ALDH7A1: variants seen among roughly 807,000 people sequenced by gnomAD.
ALDH7A1 encodes alpha-aminoadipic semialdehyde dehydrogenase.
A neutral mutation model predicts 79.9 loss-of-function variants in ALDH7A1; 63 were observed. The observed-to-expected ratio is 0.79, with a 90% CI of 0.64 to 0.97. The LOEUF is 0.97. Among genes scored for constraint, ALDH7A1 ranks in the 50% least tolerant of loss-of-function variants. The probability of loss-of-function intolerance (pLI) is 0.00; values close to 1 mark genes in which losing one functional copy is unlikely to be tolerated. For synonymous variants in ALDH7A1, 240 were observed against 231.2 expected (o/e 1.04, Z -0.34); for missense variants, 627 against 665.2 (o/e 0.94, Z 0.63).
chr5:126,592,610 T>G, intron 3 of ALDH7A1, 54 bp downstream of exon 3: 2 of 1,564,748 alleles, frequency 1.3e-6, no homozygotes, highest in Non-Finnish European at 1.8e-6. Context: ...ATCTCATTGG[T>G]TACAATAGGC....
intron 9 of ALDH7A1, chr5:126,564,595 G>T: frequency 8.0e-7 from 1 of 1,245,836 alleles, no homozygotes; most frequent in South Asian, 4.1e-5. Context: ...CCATTGCTCT[G>T]AAACAGGTAA....
intron 9 of ALDH7A1, chr5:126,561,405 C>T (rs968083891): frequency 5.9e-5 from 14 of 236,820 alleles, no homozygotes; most frequent in Non-Finnish European, 1.1e-4. Flanking sequence ...TCTTAGGAAA[C>T]ACACCAAAAT....
At chr5:126,558,753 T>G (rs1375735173) in intron 11 of ALDH7A1, among the ~76,000 whole-genome samples, 3 of 152,182 alleles carry the variant, frequency 2.0e-5, no homozygotes, top group Admixed American at 1.3e-4. Context: ...CTCGAACTAC[T>G]GGGCTCAAGG....
At chr5:126,575,888 G>A (rs1276521314) in intron 6 of ALDH7A1, among the ~76,000 whole-genome samples, 1 of 152,158 alleles carries the variant, frequency 6.6e-6, no homozygotes, top group Non-Finnish European at 1.5e-5. Flanking sequence ...TCACAACATG[G>A]GGCAGAACCC....
At chr5:126,571,561 G>C (rs1451254814) in intron 7 of ALDH7A1, among the ~76,000 whole-genome samples, 2 of 151,808 alleles carry the variant, frequency 1.3e-5, no homozygotes. Flanking sequence ...AGCTCAAACT[G>C]TCATTGTTTT....
rs554764322 is a variant in ALDH7A1 at position 126,560,237 on chromosome 5, C to T, written c.913+846G>A. Among the ~76,000 whole-genome samples, 11 of 152,238 alleles carry T rather than the reference C, an allele frequency of 7.2e-5. No homozygotes were observed. In the East Asian group the frequency reaches 1.9e-3, roughly 27 times the overall value. ...CTGTAATCCCAGCACTTTGGGAGGC[C>T]AAGGCAGGCGGATCACCTGAAGTCA... On this transcript the variant is annotated intron_variant, in intron 10 of 17. Coordinates refer to ENST00000409134, the MANE Select transcript of ALDH7A1 (RefSeq NM_001182.5).
intron 4 of ALDH7A1, 58 bp downstream of exon 4, chr5:126,583,874 G>T (rs1185078456): frequency 1.5e-6 from 2 of 1,352,390 alleles, no homozygotes. Context: ...ATATAGAAAA[G>T]CATGACAGCC....
At chr5:126,573,116 C>CAAAAAAAA (rs11290126) in intron 7 of ALDH7A1, among the ~76,000 whole-genome samples, 1 of 95,210 alleles carries the variant, frequency 1.1e-5, no homozygotes, top group Non-Finnish European at 2.1e-5. Context: ...CCATTTAAAG[C>CAAAAAAAA]AAAAAAAAAA....
intron 12 of ALDH7A1, 111 bp downstream of exon 12, chr5:126,555,820 G>T: frequency 3.6e-6 from 3 of 844,488 alleles, no homozygotes; most frequent in Admixed American, 1.9e-5. Flanking sequence ...TGCTTCATGT[G>T]CCTTCACGCC....
chr5:126,556,380 T>A (rs113846202), intron 11 of ALDH7A1, among the ~76,000 whole-genome samples: 2 of 151,660 alleles, frequency 1.3e-5, no homozygotes, highest in African/African-American at 4.8e-5. Flanking sequence ...GCAGCTGGAA[T>A]TACAGGCACC....
intron 9 of ALDH7A1, among the ~76,000 whole-genome samples, chr5:126,565,123 G>A (rs138877587): frequency 3.0e-4 from 46 of 152,156 alleles, no homozygotes; most frequent in African/African-American, 1.0e-3. Context: ...GGCCTGGTGC[G>A]GTGGCTTATG....
chr5:126,559,452 T>G (rs1373993188), intron 10 of ALDH7A1, 118 bp from the exon 11 acceptor site: 1 of 744,788 alleles, frequency 1.3e-6, no homozygotes, highest in African/African-American at 1.8e-5. Context: ...TTTTTTTTTT[T>G]GAGACAGAGT....
chr5:126,567,459 A>AGT (rs1299830020), intron 9 of ALDH7A1, among the ~76,000 whole-genome samples: 49 of 152,216 alleles, frequency 3.2e-4, no homozygotes, highest in Admixed American at 1.3e-4. Flanking sequence ...TTTAGAGAGA[A>AGT]AATGACTTCC....
intron 7 of ALDH7A1, 131 bp from the exon 8 acceptor site, chr5:126,570,990 C>A: frequency 1.2e-6 from 1 of 836,184 alleles, no homozygotes; most frequent in Non-Finnish European, 2.0e-6. Flanking sequence ...TACTCTCTTG[C>A]TTTTTCAGCC....
rs150990856 is a variant in ALDH7A1 at position 126,575,162 on chromosome 5, T to C, written c.695+258A>G. Among the ~76,000 whole-genome samples, 240 of 152,364 alleles carry C rather than the reference T, an allele frequency of 1.6e-3. 2 individuals carry two copies. In the East Asian group the frequency reaches 0.029, roughly 19 times the overall value. The stretch of plus-strand genomic sequence containing the variant: ...ATTTTCCTTTCCACTGAAGATGCTT[T>C]TATTTTCCAAGTGACAAAATAATGT... On this transcript the variant is annotated intron_variant, in intron 7 of 17. Coordinates refer to ENST00000409134, the MANE Select transcript of ALDH7A1 (RefSeq NM_001182.5).
intron 16 of ALDH7A1, chr5:126,549,612 G>T: frequency 3.4e-6 from 1 of 292,670 alleles, no homozygotes; most frequent in Non-Finnish European, 6.4e-6. Flanking sequence ...AAATTTTCTG[G>T]CTTTGAAGCA....
At position 126,543,170 on chromosome 5, in the gene ALDH7A1, A is replaced by G. The variant is rs1412253464; in HGVS notation, c.*1795T>C. 26 of 152,240 alleles carry G rather than the reference A, an allele frequency of 1.7e-4. No homozygotes were observed. Among genetic ancestry groups the G allele is most frequent in the Non-Finnish European group, 1.2e-4 (8 of 68,048 alleles). The allele number at this position is 152,240 out of a possible 1,614,324, so 9.4% of individuals were successfully genotyped here. A position where few individuals can be genotyped will look rare whatever the true frequency, so the allele number is the denominator to read the frequency against. ...ATGTACATTTTAACTTGGATAGTTA[A>G]AAATACTAACAAGTGATTTATATCT... On this transcript the variant is annotated 3_prime_UTR_variant, in exon 18 of 18. Transcript: ENST00000409134.
intron 3 of ALDH7A1, chr5:126,587,798 C>T (rs2112809274): frequency 6.6e-6 from 1 of 152,094 alleles, no homozygotes; most frequent in African/African-American, 2.4e-5. Context: ...AGAAGGGGGT[C>T]AAGCTTTGGT....
chr5:126,595,144 A>G lies in ALDH7A1; in HGVS notation c.55T>C (p.Ser19Pro), dbSNP rs749919953. The G allele has an allele frequency of 4.5e-6, 7 of 1,563,714 alleles. No individual in the cohort carries two copies. Among genetic ancestry groups the G allele is most frequent in the South Asian group, 2.3e-5 (2 of 85,176 alleles). Reference protein sequence around the residue: ...CVHAAKTSKLSGPWSRPAAFM... With the variant: ...CVHAAKTSKLPGPWSRPAAFM... ...GCGGCAGGCCTGCTCCAAGGTCCAG[A>G]GAGCTTGCTGGTCTTTGCAGCGTGC... is the stretch of plus-strand genomic sequence containing the variant. Residue 19 changes from serine to proline, a missense_variant, in exon 1 of 18, where the codon TCT becomes CCT. By Grantham distance (74) the Ser-to-Pro change is moderately conservative. Transcript: ENST00000409134.
Sources: gnomAD v4.1 joint callset for allele counts (sites outside exome capture counted in the v4.1 genomes callset) on GRCh38, gnomAD v4.1.1 for gene constraint, MANE v1.5 for transcripts, NCBI Gene and HGNC (gene_info 2026-07-23, HGNC 2026-07-21) for gene names.